Variants in KIAA1549L observed in about 807,000 individuals in gnomAD.
The protein encoded by KIAA1549L is UPF0606 protein KIAA1549L.
A neutral mutation model predicts 160.7 loss-of-function variants in KIAA1549L; 88 were observed. The ratio of observed to expected loss-of-function variants is 0.55; its 90% CI spans 0.46 to 0.65. The LOEUF (loss-of-function observed/expected upper bound fraction) is 0.65. Among genes scored for constraint, KIAA1549L ranks in the 30% least tolerant of loss-of-function variants. KIAA1549L has a pLI of 0.00. For missense variants in KIAA1549L, 2,258 were observed against 2,437.5 expected, an observed-to-expected ratio of 0.93 and a Z score of 1.55; for synonymous variants, 950 against 976.7, an observed-to-expected ratio of 0.97 and a Z score of 0.51.
At chr11:33,388,366 C>A (rs1421000923) in intron 1 of KIAA1549L, among the ~76,000 whole-genome samples, 1 of 152,136 alleles carries the variant, frequency 6.6e-6, no homozygotes, top group Admixed American at 6.5e-5. Flanking sequence ...CCCCATGATT[C>A]AGTTACCTCC....
chr11:33,612,376 A>C (rs1850669746), intron 15 of KIAA1549L, among the ~76,000 whole-genome samples: 1 of 152,226 alleles, frequency 6.6e-6, no homozygotes, highest in Admixed American at 6.5e-5. Flanking sequence ...TGAAGGAATC[A>C]TGCTCTAGTC....
intron 11 of KIAA1549L, among the ~76,000 whole-genome samples, chr11:33,585,528 AAAAAT>A (rs1298365635): frequency 1.3e-5 from 2 of 152,314 alleles, no homozygotes; most frequent in East Asian, 1.9e-4. Flanking sequence ...CAAAAAATAA[AAAAAT>A]AAAAAATAAA....
chr11:33,540,658 CAT>C (rs1415214379), intron 1 of KIAA1549L, among the ~76,000 whole-genome samples: 11 of 152,324 alleles, frequency 7.2e-5, no homozygotes, highest in Non-Finnish European at 1.5e-4. Context: ...GGAGGGCATG[CAT>C]TTTAATGAAA....
In KIAA1549L at chr11:33,543,507, G is replaced by A. The variant is rs771767268; in HGVS notation, c.1944G>A (p.Lys648=). Reference sequence around the variant, plus strand: ...CATCTCTTGGCTTTTCCAGCACCAAGCCAGAGGCTTATGCAGCTGCTGTGG... The same window carrying A: ...CATCTCTTGGCTTTTCCAGCACCAAACCAGAGGCTTATGCAGCTGCTGTGG... The part of the protein sequence containing the change: ...VFPSLGFSST[K]PEAYAAAVDH... Residue 648 remains lysine (K), a synonymous_variant, in exon 2 of 21, where the codon AAG becomes AAA. Coordinates refer to ENST00000658780, the MANE Select transcript of KIAA1549L (RefSeq NM_012194.3). 1.2e-6 allele frequency: 2 copies of A among 1,613,994 alleles called. No individual in the cohort carries two copies. The highest frequency in any genetic ancestry group is 2.2e-5 in the East Asian group (1 of 44,878).
In KIAA1549L at chr11:33,464,345, T is replaced by C. The variant is rs550184530; in HGVS notation, c.239-77457T>C. On this transcript the variant is annotated intron_variant, in intron 1 of 20. Coordinates refer to ENST00000658780, the MANE Select transcript of KIAA1549L (RefSeq NM_012194.3). ...CCCTTGGTTGCTCTGTGTCAGGTCC[T>C]ACCTACACTGAGCCCCTAAGATAGA... is the stretch of plus-strand genomic sequence containing the variant. Among the ~76,000 whole-genome samples, 139 of 152,342 alleles carry C rather than the reference T, an allele frequency of 9.1e-4. 1 individual carries two copies. Among genetic ancestry groups the C allele is most frequent in the Admixed American group, 1.5e-3 (23 of 15,310 alleles).
At chr11:33,393,801 G>A (rs1037391142) in intron 1 of KIAA1549L, among the ~76,000 whole-genome samples, 8 of 152,128 alleles carry the variant, frequency 5.3e-5, no homozygotes, top group East Asian at 3.8e-4. Flanking sequence ...CTTGAGAGCC[G>A]CTCTCTTAAA....
chr11:33,468,217 T>G (rs1852101797), intron 1 of KIAA1549L, among the ~76,000 whole-genome samples: 1 of 152,222 alleles, frequency 6.6e-6, no homozygotes, highest in South Asian at 2.1e-4. Flanking sequence ...GAACTGCTGA[T>G]TTTAGCATGT....
Position 33,670,958 on chromosome 11 carries a change from T to C in KIAA1549L, c.*2804T>C, listed in dbSNP as rs1242283018. ...GCCATGTGGCCTGCAGGCTTGTCAG[T>C]AACACATTTCTTTAGCTGTGCCTAG... On this transcript the variant is annotated 3_prime_UTR_variant, in exon 21 of 21. Transcript: ENST00000658780. 1 of 152,158 alleles carries C rather than the reference T, an allele frequency of 6.6e-6. No individual in the cohort carries two copies. Among genetic ancestry groups the C allele is most frequent in the Non-Finnish European group, 1.5e-5 (1 of 68,044 alleles). The allele number at this position is 152,158 out of a possible 1,614,324, so 9.4% of individuals were successfully genotyped here. A position where few individuals can be genotyped will look rare whatever the true frequency, so the allele number is the denominator to read the frequency against.
chr11:33,520,305 C>T (rs1241249418), intron 1 of KIAA1549L, among the ~76,000 whole-genome samples: 1 of 152,188 alleles, frequency 6.6e-6, no homozygotes, highest in Non-Finnish European at 1.5e-5. Flanking sequence ...CCTCAACAGC[C>T]CCTAGTAACC....
At chr11:33,536,784 C>T (rs770785599) in intron 1 of KIAA1549L, among the ~76,000 whole-genome samples, 2 of 152,164 alleles carry the variant, frequency 1.3e-5, no homozygotes, top group African/African-American at 2.4e-5. Context: ...GATCTGTTTC[C>T]ATCTCCCATG....
chr11:33,605,028 A>T (rs1234199229), intron 13 of KIAA1549L, among the ~76,000 whole-genome samples: 1 of 152,206 alleles, frequency 6.6e-6, no homozygotes, highest in Non-Finnish European at 1.5e-5. Context: ...GGCTCTTGAC[A>T]GGGGGCTTCA....
intron 20 of KIAA1549L, among the ~76,000 whole-genome samples, chr11:33,667,594 C>T (rs960390705): frequency 6.6e-6 from 1 of 152,208 alleles, no homozygotes; most frequent in East Asian, 1.9e-4. Context: ...AGGGGTTTCA[C>T]CATTTTAGCC....
chr11:33,550,939 C>G lies in KIAA1549L; in HGVS notation c.3502-101C>G, dbSNP rs895871676. On this transcript the variant is annotated intron_variant, in intron 4 of 20. Transcript: ENST00000658780. ...TTGTTGAACGAGAACATTCTATTCTCCAGTCTTGTTTCTAACAGCCGTGGT... is the reference window on the plus strand; with the variant it reads ...TTGTTGAACGAGAACATTCTATTCTGCAGTCTTGTTTCTAACAGCCGTGGT... 2.9e-5 allele frequency: 27 copies of G among 919,014 alleles called. No individual in the cohort carries two copies. The African/African-American group carries it at 4.1e-4, about 14-fold the overall frequency. 56.9% of individuals were successfully genotyped at this position (919,014 alleles called of 1,614,324 possible). A position where few individuals can be genotyped will look rare whatever the true frequency, so the allele number is the denominator to read the frequency against.
chr11:33,583,760 A>G (rs1309779173), intron 11 of KIAA1549L, among the ~76,000 whole-genome samples: 3 of 152,194 alleles, frequency 2.0e-5, no homozygotes, highest in Non-Finnish European at 4.4e-5. Context: ...AGGAAGTACT[A>G]TTATTTTACA....
intron 11 of KIAA1549L, among the ~76,000 whole-genome samples, chr11:33,587,022 A>G (rs1307808794): frequency 1.3e-5 from 2 of 152,246 alleles, no homozygotes; most frequent in Admixed American, 1.3e-4. Context: ...ACAATAGGAA[A>G]GTTACTTAAC....
At chr11:33,594,556 G>A (rs1414558874) in intron 12 of KIAA1549L, among the ~76,000 whole-genome samples, 5 of 152,206 alleles carry the variant, frequency 3.3e-5, no homozygotes. Context: ...TTCTCACAAT[G>A]TGGTTGCAGA....
At position 33,543,900 on chromosome 11, in the gene KIAA1549L, C is replaced by T. The variant is rs576183220; in HGVS notation, c.2337C>T (p.Leu779=). The T allele has an allele frequency of 6.9e-5, 112 of 1,614,014 alleles. 1 individual carries two copies. In the South Asian group the frequency reaches 8.3e-4, roughly 12 times the overall value. Residue 779 remains leucine, a synonymous_variant, in exon 2 of 21, where the codon CTC becomes CTT. Transcript: ENST00000658780. ...GGTTTAGTATTCAGGATCTAGTCCT[C>T]GGTACAAGCATTGAGCAGCCTGTGC... The part of the protein sequence containing the change: ...AEGFSIQDLV[L]GTSIEQPVQQ...
rs11512221 is a variant in KIAA1549L, at chr11:33,627,594, G to A, written c.5409+8932G>A. Reference sequence around the variant, plus strand: ...TGGTAGTTTGTATTTCTGTGGGATCGGTGGTGATATCCCCTTTATCATTTT... The same window carrying A: ...TGGTAGTTTGTATTTCTGTGGGATCAGTGGTGATATCCCCTTTATCATTTT... On this transcript the variant is annotated intron_variant, in intron 16 of 20. Coordinates refer to ENST00000658780, the MANE Select transcript of KIAA1549L (RefSeq NM_012194.3). 1.7e-3 allele frequency among the ~76,000 whole-genome samples: 264 copies of A among 152,020 alleles called. 2 individuals carry two copies. Among genetic ancestry groups the A allele is most frequent in the South Asian group, 7.3e-3 (35 of 4,794 alleles).
intron 15 of KIAA1549L, among the ~76,000 whole-genome samples, chr11:33,610,264 C>T (rs933972688): frequency 6.6e-6 from 1 of 152,142 alleles, no homozygotes; most frequent in Non-Finnish European, 1.5e-5. Context: ...TAATTATCAC[C>T]TACCTAATGG....
Sources: gnomAD v4.1 joint callset for allele counts (sites outside exome capture counted in the v4.1 genomes callset) on GRCh38, gnomAD v4.1.1 for gene constraint, MANE v1.5 for transcripts, NCBI Gene and HGNC (gene_info 2026-07-23, HGNC 2026-07-21) for gene names.